BAZ1A: variants seen among roughly 807,000 people sequenced by gnomAD.
The protein encoded by BAZ1A is bromodomain adjacent to zinc finger domain protein 1A.
A neutral mutation model predicts 185.2 loss-of-function variants in BAZ1A; 50 were observed. That is an observed-to-expected ratio of 0.27 (90% confidence interval 0.22 to 0.34). The LOEUF is 0.34. Among genes scored for constraint, BAZ1A ranks in the 10% least tolerant of loss-of-function variants. BAZ1A has a pLI of 1.00. For missense variants in BAZ1A, 1,356 were observed against 1,839.9 expected, an observed-to-expected ratio of 0.74 and a Z score of 4.81; for synonymous variants, 571 against 615.6, an observed-to-expected ratio of 0.93 and a Z score of 1.07.
At chr14:34,807,430 A>G in intron 6 of BAZ1A, 21 bp downstream of exon 6, 6 of 1,558,572 alleles carry the variant, frequency 3.8e-6, no homozygotes, top group Non-Finnish European at 5.3e-6. Flanking sequence ...CTTCCAACAA[A>G]TAATTTCATT....
intron 3 of BAZ1A, among the ~76,000 whole-genome samples, chr14:34,836,014 C>T (rs902391412): frequency 7.3e-5 from 11 of 151,660 alleles, no homozygotes; most frequent in African/African-American, 2.2e-4. Flanking sequence ...ATATACCTTC[C>T]GCTAAAAAGC....
chr14:34,799,472 C>G (rs929855797), intron 9 of BAZ1A, among the ~76,000 whole-genome samples: 3 of 152,066 alleles, frequency 2.0e-5, no homozygotes, highest in Non-Finnish European at 2.9e-5. Flanking sequence ...GTGAATATCC[C>G]AAGAAATCTC....
intron 2 of BAZ1A, among the ~76,000 whole-genome samples, chr14:34,863,858 C>CT (rs1566603594): frequency 1.2e-5 from 1 of 81,574 alleles, no homozygotes; most frequent in East Asian, 2.7e-4. Flanking sequence ...AATTTTTTTT[C>CT]TTTTTTAAGA....
chr14:34,856,809 G>A (rs564095869), intron 3 of BAZ1A, among the ~76,000 whole-genome samples: 5 of 136,448 alleles, frequency 3.7e-5, no homozygotes, highest in African/African-American at 1.4e-4. Context: ...TGTGAGCCAA[G>A]ATTGCGTCAC....
intron 3 of BAZ1A, among the ~76,000 whole-genome samples, chr14:34,857,429 C>G (rs1329809188): frequency 1.3e-5 from 2 of 152,128 alleles, no homozygotes; most frequent in Non-Finnish European, 2.9e-5. Context: ...CAAGTATAGG[C>G]ATGAGCTAAG....
At chr14:34,829,038 G>T (rs1317181224) in intron 3 of BAZ1A, among the ~76,000 whole-genome samples, 1 of 152,164 alleles carries the variant, frequency 6.6e-6, no homozygotes, top group African/African-American at 2.4e-5. Context: ...GAGAAAGGCG[G>T]ATCAATTGCT....
At position 34,759,404 on chromosome 14, in the gene BAZ1A, C is replaced by T. The variant is rs539181609; in HGVS notation, c.4244-558G>A. Among the ~76,000 whole-genome samples, 120 of 151,934 alleles carry T rather than the reference C, an allele frequency of 7.9e-4. 1 individual carries two copies. Among genetic ancestry groups the T allele is most frequent in the Non-Finnish European group, 8.8e-5 (6 of 67,960 alleles). On this transcript the variant is annotated intron_variant, in intron 24 of 26. Coordinates refer to ENST00000360310, the MANE Select transcript of BAZ1A (RefSeq NM_013448.3). ...TTCACCGTGTTAGCTAGGATGGTCT[C>T]GATCTCCTGACCTCGTGATCTCCTG...
intron 3 of BAZ1A, among the ~76,000 whole-genome samples, chr14:34,832,183 TATAC>T (rs1268797962): frequency 1.1e-4 from 10 of 88,906 alleles, no homozygotes; most frequent in African/African-American, 3.4e-4. Context: ...TATATACATA[TATAC>T]ATATACACAC....
At chr14:34,852,284 C>T (rs1169929608) in intron 3 of BAZ1A, among the ~76,000 whole-genome samples, 1 of 152,154 alleles carries the variant, frequency 6.6e-6, no homozygotes, top group East Asian at 1.9e-4. Flanking sequence ...GCAAAGATAG[C>T]TATTGCAGCC....
chr14:34,865,944 T>A (rs1472800056), intron 2 of BAZ1A, among the ~76,000 whole-genome samples: 1 of 152,118 alleles, frequency 6.6e-6, no homozygotes, highest in Non-Finnish European at 1.5e-5. Flanking sequence ...TCCCAGCACT[T>A]CGGCAGGCTG....
intron 2 of BAZ1A, among the ~76,000 whole-genome samples, chr14:34,863,092 G>A (rs2042797314): frequency 7.1e-6 from 1 of 141,306 alleles, no homozygotes; most frequent in Non-Finnish European, 1.5e-5. Flanking sequence ...AGGTTTAAGC[G>A]ATTCTCCTGC....
In BAZ1A at chr14:34,774,409, T is replaced by C. The variant is rs1316856763; in HGVS notation, c.2915A>G (p.Glu972Gly). 6 of 1,613,858 alleles carry C rather than the reference T, an allele frequency of 3.7e-6. No individual in the cohort carries two copies. The highest frequency in any genetic ancestry group is 5.1e-6 in the Non-Finnish European group (6 of 1,179,864). ...NAYDPSQMCAEKQLELRLRDF... is the reference protein window; with the variant it reads ...NAYDPSQMCAGKQLELRLRDF... ...TCTCAGCCTTAGTTCAAGTTGCTTT[T>C]CTGCACACATCTGAGATGGATCATA... Residue 972 changes from glutamate (E) to glycine (G), a missense_variant, in exon 19 of 27, where the codon GAA becomes GGA. Physicochemically the swap from Glu to Gly is moderately conservative, Grantham distance 98 (BLOSUM62 -2). Around this residue, in one of 7 missense-constraint regions of BAZ1A, gnomAD observed 434 missense variants for 561.7 expected, o/e 0.77. Transcript: ENST00000360310.
chr14:34,841,183 A>T (rs1204857928), intron 3 of BAZ1A, among the ~76,000 whole-genome samples: 1 of 152,138 alleles, frequency 6.6e-6, no homozygotes, highest in Admixed American at 6.5e-5. Flanking sequence ...CCTCAAAATC[A>T]GTATTGTTAA....
At chr14:34,827,389 T>G (rs535758670) in intron 3 of BAZ1A, among the ~76,000 whole-genome samples, 111 of 152,200 alleles carry the variant, frequency 7.3e-4, no homozygotes, top group Non-Finnish European at 1.4e-3. Flanking sequence ...CAGCTATTAT[T>G]GTGAAAATGT....
At chr14:34,844,153 C>T (rs569926418) in intron 3 of BAZ1A, among the ~76,000 whole-genome samples, 92 of 145,642 alleles carry the variant, frequency 6.3e-4, no homozygotes, top group African/African-American at 2.3e-3. Flanking sequence ...TTGCAGTGAG[C>T]AGAGATCGCG....
intron 4 of BAZ1A, among the ~76,000 whole-genome samples, chr14:34,815,574 T>C (rs1320627323): frequency 6.6e-6 from 1 of 152,240 alleles, no homozygotes; most frequent in African/African-American, 2.4e-5. Flanking sequence ...ATTCCGATTA[T>C]TCATTCACAA....
At chr14:34,787,938 C>G (rs1453635697) in intron 12 of BAZ1A, among the ~76,000 whole-genome samples, 3 of 152,082 alleles carry the variant, frequency 2.0e-5, no homozygotes, top group Non-Finnish European at 4.4e-5. Context: ...GACTAAGAGT[C>G]AGATAATGTA....
chr14:34,754,711 A>G, intron 26 of BAZ1A, 116 bp downstream of exon 26: 1 of 635,780 alleles, frequency 1.6e-6, no homozygotes, highest in Non-Finnish European at 2.6e-6. Context: ...ATCAACACAC[A>G]TCCTTTTAGT....
Position 34,780,314 on chromosome 14 carries a change from T to C in BAZ1A, c.2112-4A>G. ...AAAATCTTCCCTTTCTTCCTCCCTT[T>C]AGGATAAAAACAAAGATGACATTTA... On this transcript the variant is annotated splice_polypyrimidine_tract_variant and splice_region_variant and intron_variant, in intron 16 of 26. Coordinates refer to ENST00000360310, the MANE Select transcript of BAZ1A (RefSeq NM_013448.3). The C allele has an allele frequency of 1.2e-6, 2 of 1,602,464 alleles. No individual in the cohort carries two copies. The highest frequency in any genetic ancestry group is 1.7e-6 in the Non-Finnish European group (2 of 1,176,636).
Sources: gnomAD v4.1 joint callset for allele counts (sites outside exome capture counted in the v4.1 genomes callset) on GRCh38, gnomAD v4.1.1 for gene constraint, gnomAD v4.1.1 regional missense constraint, MANE v1.5 for transcripts, NCBI Gene and HGNC (gene_info 2026-07-23, HGNC 2026-07-21) for gene names.